The following PIEZO2 variants were observed in gnomAD, a reference collection of about 807,000 sequenced individuals.
PIEZO2 encodes the protein piezo type mechanosensitive ion channel component 2, also known as piezo-type mechanosensitive ion channel component 2.
In PIEZO2, 172 loss-of-function variants were observed where a neutral mutation model predicts 337.3. The observed-to-expected ratio is 0.51, with a 90% CI of 0.45 to 0.58. The LOEUF (loss-of-function observed/expected upper bound fraction) is 0.58. Ranked by LOEUF, PIEZO2 falls within the 20% of genes least tolerant of loss-of-function variation. PIEZO2 has a pLI of 0.00. For synonymous variants in PIEZO2, 1,251 were observed against 1,228.5 expected (o/e 1.02, Z -0.38); for missense variants, 3,028 against 3,391.3 (o/e 0.89, Z 2.66).
In PIEZO2 at chr18:10,759,227, GTT is replaced by G. The variant is rs1491521119; in HGVS notation, c.3757+253_3757+254del. On this transcript the variant is annotated intron_variant, in intron 26 of 55. Coordinates refer to ENST00000674853, the MANE Select transcript of PIEZO2 (RefSeq NM_001378183.1). The surrounding 1 kb of genome is among the most constrained non-coding windows in gnomAD (Gnocchi z 5.5). ...AATGTGTGTGTGTGTGTGTGTGTGT[GTT>G]TGTGTGTGTGTGTTGGGGGAAGTGA... Among the ~76,000 whole-genome samples, 1,557 of 141,902 alleles carry G rather than the reference GTT, an allele frequency of 0.011. 27 individuals are homozygous for G. Among genetic ancestry groups the G allele is most frequent in the African/African-American group, 0.027 (1,067 of 39,274 alleles). The allele number at this position is 141,902 out of a possible 152,430, so 93.1% of individuals were successfully genotyped here.
At chr18:10,924,523 A>G (rs2031609604) in intron 3 of PIEZO2, among the ~76,000 whole-genome samples, 6 of 152,214 alleles carry the variant, frequency 3.9e-5, no homozygotes, top group Admixed American at 3.9e-4. Flanking sequence ...GCAGAAGTTC[A>G]AAGAGGTCCT....
intron 3 of PIEZO2, among the ~76,000 whole-genome samples, chr18:10,941,420 G>C (rs1185030069): frequency 6.6e-6 from 1 of 152,178 alleles, no homozygotes; most frequent in African/African-American, 2.4e-5. Flanking sequence ...CTAAAGGGTT[G>C]CTTGTTTAGT....
Position 10,791,244 on chromosome 18 carries a change from A to C in PIEZO2, c.1839T>G (p.Leu613=). 1 of 1,536,428 alleles carries C rather than the reference A, an allele frequency of 6.5e-7. No individual in the cohort carries two copies. ...EQKALQEKEA[L]LSEVKIGSQE... ...GACTGCCAATTTTGACTTCCGATAA[A>C]AGAGCTTCCTTTTCTTGCAGAGCTT... Residue 613 remains leucine (L), a synonymous_variant, in exon 14 of 56, where the codon CTT becomes CTG. Coordinates refer to ENST00000674853, the MANE Select transcript of PIEZO2 (RefSeq NM_001378183.1).
chr18:10,743,410 A>G (rs2037301298), intron 31 of PIEZO2, among the ~76,000 whole-genome samples: 1 of 152,180 alleles, frequency 6.6e-6, no homozygotes, highest in Admixed American at 6.5e-5. Flanking sequence ...GTCCCCAAAC[A>G]GTCCTCAGAG....
At chr18:10,909,563 T>A (rs1200042903) in intron 4 of PIEZO2, among the ~76,000 whole-genome samples, 2 of 152,208 alleles carry the variant, frequency 1.3e-5, no homozygotes, top group Non-Finnish European at 2.9e-5. Flanking sequence ...GTTTCAGAGA[T>A]GCATGCTGAC....
Position 10,877,087 on chromosome 18 carries a change from T to C in PIEZO2, c.330-5672A>G, listed in dbSNP as rs2042287066. The stretch of plus-strand genomic sequence containing the variant: ...GAAGCCCCACTAAGAAATTCTGACT[T>C]GTATTGTAGCCACCAGACTCTTCTC... On this transcript the variant is annotated intron_variant, in intron 4 of 55. Transcript: ENST00000674853. This position sits in a 1 kb window ranked among gnomAD's most constrained non-coding sequence, Gnocchi z 5.3. 6.6e-6 allele frequency among the ~76,000 whole-genome samples: 1 copy of C among 152,220 alleles called. No homozygotes were observed. Among genetic ancestry groups the C allele is most frequent in the Non-Finnish European group, 1.5e-5 (1 of 68,042 alleles).
In PIEZO2 at chr18:10,870,400, G is replaced by A. The variant is rs1188809258; in HGVS notation, c.492+853C>T. On this transcript the variant is annotated intron_variant, in intron 5 of 55. Transcript: ENST00000674853. The surrounding 1 kb of genome is among the most constrained non-coding windows in gnomAD (Gnocchi z 5.3). ...AGTGTAATATCTTGCCAAAGCTTATGACTGAAAACATTTAGTACTTGCAAG... is the reference window on the plus strand; with the variant it reads ...AGTGTAATATCTTGCCAAAGCTTATAACTGAAAACATTTAGTACTTGCAAG... 2.0e-5 allele frequency among the ~76,000 whole-genome samples: 3 copies of A among 151,408 alleles called. No homozygotes were observed. The highest frequency in any genetic ancestry group is 3.8e-4 in the East Asian group (2 of 5,200).
In PIEZO2 at chr18:10,762,610, T is replaced by C. The variant is rs781620744; in HGVS notation, c.3139A>G (p.Thr1047Ala). 4.2e-5 allele frequency: 65 copies of C among 1,536,936 alleles called. No individual in the cohort carries two copies. The highest frequency in any genetic ancestry group is 5.3e-5 in the Non-Finnish European group (61 of 1,146,840). Residue 1047 changes from threonine (T) to alanine (A), a missense_variant, in exon 23 of 56, where the codon ACA becomes GCA. Transcript: ENST00000674853. Reference sequence around the variant, plus strand: ...TTCAACTCATTAAAGGGGATGTTTGTTTGATTTTCATTTGGCTAAAAAGAA... The same window carrying C: ...TTCAACTCATTAAAGGGGATGTTTGCTTGATTTTCATTTGGCTAAAAAGAA... ...VNCSLPNENQ[T>A]NIPFNELNKS...
intron 2 of PIEZO2, among the ~76,000 whole-genome samples, chr18:10,996,728 A>AT (rs2035336095): frequency 6.6e-6 from 1 of 152,016 alleles, no homozygotes; most frequent in African/African-American, 2.4e-5. Context: ...CCATTCACCT[A>AT]TTTGGGTTGT....
chr18:10,998,946 C>G (rs2035436892), intron 2 of PIEZO2, among the ~76,000 whole-genome samples: 1 of 151,446 alleles, frequency 6.6e-6, no homozygotes, highest in Admixed American at 6.6e-5. Flanking sequence ...AATCTAATGC[C>G]TCATTTACTC....
At chr18:10,701,262 A>G (rs2035319353) in intron 43 of PIEZO2, among the ~76,000 whole-genome samples, 1 of 152,258 alleles carries the variant, frequency 6.6e-6, no homozygotes, top group Admixed American at 6.5e-5. Context: ...ATTTCTATTT[A>G]TTAGAATTAA....
intron 40 of PIEZO2, among the ~76,000 whole-genome samples, 173 bp from the exon 41 acceptor site, chr18:10,705,919 C>A (rs1204144538): frequency 1.3e-5 from 2 of 152,214 alleles, no homozygotes; most frequent in Non-Finnish European, 2.9e-5. Context: ...GCAGCCACTG[C>A]AAACAGCAGC....
Position 10,672,553 on chromosome 18 carries a change from CA to C in PIEZO2, c.8345+136del. ...GTGCCTCATTTTTTGAAATAAAATGCACACAAGGATGTGTGCATTTTAATAC... is the reference window on the plus strand; with the variant it reads ...GTGCCTCATTTTTTGAAATAAAATGCCACAAGGATGTGTGCATTTTAATAC... On this transcript the variant is annotated intron_variant, in intron 55 of 55. Coordinates refer to ENST00000674853, the MANE Select transcript of PIEZO2 (RefSeq NM_001378183.1). This position sits in a 1 kb window ranked among gnomAD's most constrained non-coding sequence, Gnocchi z 4.7. 1.1e-6 allele frequency: 1 copy of C among 940,870 alleles called. No homozygotes were observed. The highest frequency in any genetic ancestry group is 1.8e-5 in the South Asian group (1 of 56,650). 58.3% of individuals were successfully genotyped at this position (940,870 alleles called of 1,614,324 possible). A position where few individuals can be genotyped will look rare whatever the true frequency, so the allele number is the denominator to read the frequency against.
chr18:11,059,337 A>G (rs958369590), intron 2 of PIEZO2, among the ~76,000 whole-genome samples: 1 of 152,230 alleles, frequency 6.6e-6, no homozygotes, highest in African/African-American at 2.4e-5. Flanking sequence ...GCTAGAAAGA[A>G]ACTGCATCAA....
rs1484203657 is a variant in PIEZO2, at chr18:10,940,167, A to C, written c.287-28939T>G. Among the ~76,000 whole-genome samples, 1 of 152,162 alleles carries C rather than the reference A, an allele frequency of 6.6e-6. No individual in the cohort carries two copies. The highest frequency in any genetic ancestry group is 1.5e-5 in the Non-Finnish European group (1 of 68,034). On this transcript the variant is annotated intron_variant, in intron 3 of 55. Coordinates refer to ENST00000674853, the MANE Select transcript of PIEZO2 (RefSeq NM_001378183.1). This position sits in a 1 kb window ranked among gnomAD's most constrained non-coding sequence, Gnocchi z 5.3. Reference sequence around the variant, plus strand: ...TTTGGCCATCTTTGATTAGCACACGAATTTGTTATTTATTAAAATAAATGT... The same window carrying C: ...TTTGGCCATCTTTGATTAGCACACGCATTTGTTATTTATTAAAATAAATGT...
intron 52 of PIEZO2, among the ~76,000 whole-genome samples, chr18:10,678,543 G>A: frequency 6.6e-6 from 1 of 152,080 alleles, no homozygotes. Flanking sequence ...CACTCTCATG[G>A]ACCCAAATGA....
chr18:10,674,507 T>C (rs2033907493), intron 54 of PIEZO2, among the ~76,000 whole-genome samples: 1 of 152,244 alleles, frequency 6.6e-6, no homozygotes, highest in Non-Finnish European at 1.5e-5. Flanking sequence ...CCAATCTCTG[T>C]GTGGCTTTCC....
chr18:10,696,009 G>A (rs1034726674), intron 47 of PIEZO2, 65 bp downstream of exon 47: 67 of 1,461,174 alleles, frequency 4.6e-5, no homozygotes, highest in Non-Finnish European at 6.1e-5. Context: ...ATGCATGCGA[G>A]TATCACCTCA....
intron 13 of PIEZO2, chr18:10,791,706 A>AAAAGG: frequency 6.4e-6 from 1 of 155,260 alleles, no homozygotes. Context: ...TACTTCTTGC[A>AAAAGG]TAATACTCCC....
Sources: gnomAD v4.1 joint callset for allele counts (sites outside exome capture counted in the v4.1 genomes callset) on GRCh38, gnomAD v4.1.1 for gene constraint, Gnocchi (gnomAD v3.1) non-coding constraint, MANE v1.5 for transcripts, NCBI Gene and HGNC (gene_info 2026-07-23, HGNC 2026-07-21) for gene names.